Variants in RAP1GAP observed in about 807,000 individuals in gnomAD.
RAP1GAP encodes the protein rap1 GTPase-activating protein 1.
RAP1GAP carries 35 observed loss-of-function variants against 87.2 expected under a neutral mutation model. The ratio of observed to expected loss-of-function variants is 0.40; its 90% confidence interval spans 0.31 to 0.53. The LOEUF is 0.53. Ranked by LOEUF, RAP1GAP falls within the 20% of genes least tolerant of loss-of-function variation. RAP1GAP has a pLI of 0.48. For synonymous variants in RAP1GAP, 375 were observed against 363.9 expected, an observed-to-expected ratio of 1.03 and a Z score of -0.35; for missense variants, 734 against 898.9, an observed-to-expected ratio of 0.82 and a Z score of 2.35.
rs777156040 is a variant in RAP1GAP at position 21,613,108 on chromosome 1, C to T, written c.528+68G>A. 120 of 1,452,968 alleles carry T rather than the reference C, an allele frequency of 8.3e-5. No individual in the cohort carries two copies. In the Admixed American group the frequency reaches 1.1e-3, roughly 13 times the overall value. 90.0% of individuals were successfully genotyped at this position (1,452,968 alleles called of 1,614,324 possible). ...GAAAGTATCTGGCACACAGAAGGTG[C>T]TTAATAAATGCTCAGTCTTCCAGTT... On this transcript the variant is annotated intron_variant, in intron 10 of 24. Transcript: ENST00000374765. The surrounding 1 kb of genome is among the most constrained non-coding windows in gnomAD (Gnocchi z 4.7).
chr1:21,647,815 C>T (rs2096212510), intron 2 of RAP1GAP, among the ~76,000 whole-genome samples: 1 of 152,122 alleles, frequency 6.6e-6, no homozygotes, highest in African/African-American at 2.4e-5. Flanking sequence ...AAAGAAAACA[C>T]CCAACAAATG....
chr1:21,610,979 A>G (rs1343956408), intron 13 of RAP1GAP, among the ~76,000 whole-genome samples: 1 of 152,212 alleles, frequency 6.6e-6, no homozygotes, highest in African/African-American at 2.4e-5. Flanking sequence ...TTCCTGGCAC[A>G]TGCCTTGCAT....
intron 17 of RAP1GAP, among the ~76,000 whole-genome samples, chr1:21,606,571 G>T (rs2074773448): frequency 6.6e-6 from 1 of 152,158 alleles, no homozygotes; most frequent in African/African-American, 2.4e-5. Flanking sequence ...CTGGGTCATG[G>T]CCAAAAGTGT....
At chr1:21,621,009 G>GATTC (rs2086912965) in intron 3 of RAP1GAP, among the ~76,000 whole-genome samples, 3 of 152,316 alleles carry the variant, frequency 2.0e-5, no homozygotes, top group Admixed American at 6.5e-5. Flanking sequence ...TGTGCACAGT[G>GATTC]ATTCTTAGAG....
At chr1:21,663,840 C>A (rs902469249) in intron 1 of RAP1GAP, among the ~76,000 whole-genome samples, 1 of 152,184 alleles carries the variant, frequency 6.6e-6, no homozygotes, top group African/African-American at 2.4e-5. Flanking sequence ...TCACCCACTG[C>A]CCCCAAACCC....
intron 20 of RAP1GAP, 141 bp from the exon 21 acceptor site, chr1:21,599,758 G>A: frequency 8.5e-7 from 1 of 1,179,972 alleles, no homozygotes; most frequent in Non-Finnish European, 1.2e-6. Flanking sequence ...AGATCCTTGG[G>A]CCTCTGAGCC....
intron 20 of RAP1GAP, among the ~76,000 whole-genome samples, chr1:21,601,321 G>A (rs1480956024): frequency 6.6e-6 from 1 of 151,162 alleles, no homozygotes; most frequent in Admixed American, 6.6e-5. Flanking sequence ...GTGTCTCCCC[G>A]AGGACCCATC....
intron 1 of RAP1GAP, among the ~76,000 whole-genome samples, chr1:21,666,992 T>C (rs1422400568): frequency 1.3e-5 from 2 of 151,880 alleles, no homozygotes; most frequent in Non-Finnish European, 2.9e-5. Context: ...GGGGCAGGGG[T>C]CTTGGCCTGG....
chr1:21,629,371 A>G (rs912470388), intron 2 of RAP1GAP, among the ~76,000 whole-genome samples: 2 of 151,992 alleles, frequency 1.3e-5, no homozygotes, highest in African/African-American at 4.8e-5. Flanking sequence ...CCCTTCCAGA[A>G]CCCTCTCTGC....
chr1:21,654,813 CAG>C (rs2096792640), intron 1 of RAP1GAP, among the ~76,000 whole-genome samples: 1 of 148,976 alleles, frequency 6.7e-6, no homozygotes. Context: ...GCCTGGGTGA[CAG>C]AGCAAGACCC....
At chr1:21,608,481 G>T in intron 16 of RAP1GAP, 131 bp from the exon 17 acceptor site, 1 of 1,245,528 alleles carries the variant, frequency 8.0e-7, no homozygotes. Flanking sequence ...AGGGCGGAGG[G>T]CTCCTGCACC....
chr1:21,607,763 A>C (rs965511764), intron 17 of RAP1GAP, among the ~76,000 whole-genome samples: 4 of 151,664 alleles, frequency 2.6e-5, no homozygotes, highest in African/African-American at 9.7e-5. Context: ...TTCAAACTCT[A>C]CCCAAGGCAG....
chr1:21,630,660 C>T (rs2093551593), intron 2 of RAP1GAP, among the ~76,000 whole-genome samples: 1 of 152,110 alleles, frequency 6.6e-6, no homozygotes, highest in African/African-American at 2.4e-5. Flanking sequence ...TCAAGTGATC[C>T]TTCCCCCTCG....
rs945798730 is a variant in RAP1GAP at position 21,618,920 on chromosome 1, C to A, written c.66+105G>T. 1.2e-5 allele frequency: 16 copies of A among 1,322,024 alleles called. No individual in the cohort carries two copies. In the African/African-American group the frequency reaches 2.2e-4, roughly 18 times the overall value. The allele number at this position is 1,322,024 out of a possible 1,614,324, so 81.9% of individuals were successfully genotyped here. On this transcript the variant is annotated intron_variant, in intron 5 of 24. Coordinates refer to ENST00000374765, the MANE Select transcript of RAP1GAP (RefSeq NM_002885.4). ...CCGCACCTGGCACACTGTAAGACTACTTGCTGAAAGGGGATGGATTTCCTG... is the reference window on the plus strand; with the variant it reads ...CCGCACCTGGCACACTGTAAGACTAATTGCTGAAAGGGGATGGATTTCCTG...
intron 1 of RAP1GAP, chr1:21,667,465 G>T (rs1029186224): frequency 2.0e-5 from 3 of 152,348 alleles, no homozygotes; most frequent in African/African-American, 7.2e-5. Flanking sequence ...AGCTGGGAAG[G>T]TCCCAGGGTG....
At chr1:21,602,762 T>G (rs771351871) in intron 19 of RAP1GAP, 42 bp downstream of exon 19, 2 of 1,528,522 alleles carry the variant, frequency 1.3e-6, no homozygotes, top group African/African-American at 2.7e-5. Flanking sequence ...GGCTCAGGGA[T>G]GGGGATGCAG....
At chr1:21,635,188 C>T (rs1055832659) in intron 2 of RAP1GAP, among the ~76,000 whole-genome samples, 6 of 152,170 alleles carry the variant, frequency 3.9e-5, no homozygotes, top group Non-Finnish European at 8.8e-5. Context: ...AAGTCTGGGC[C>T]AGGGTGACCT....
Position 21,603,981 on chromosome 1 carries a change from G to A in RAP1GAP, c.1429-1068C>T, listed in dbSNP as rs901253697. ...AGAGAGTCAGAGAGCAAGAGAGATGGTGGGAGGGAGACACAGAGAGGAGGA... is the reference window on the plus strand; with the variant it reads ...AGAGAGTCAGAGAGCAAGAGAGATGATGGGAGGGAGACACAGAGAGGAGGA... On this transcript the variant is annotated intron_variant, in intron 18 of 24. Coordinates refer to ENST00000374765, the MANE Select transcript of RAP1GAP (RefSeq NM_002885.4). The surrounding 1 kb of genome is among the most constrained non-coding windows in gnomAD (Gnocchi z 6.0). 3 of 1,216,948 alleles carry A rather than the reference G, an allele frequency of 2.5e-6. No homozygotes were observed. The allele number at this position is 1,216,948 out of a possible 1,614,324, so 75.4% of individuals were successfully genotyped here.
At position 21,603,157 on chromosome 1, in the gene RAP1GAP, T is replaced by C. The variant is rs554623257; in HGVS notation, c.1429-244A>G. On this transcript the variant is annotated intron_variant, in intron 18 of 24. Transcript: ENST00000374765. The surrounding 1 kb of genome is among the most constrained non-coding windows in gnomAD (Gnocchi z 6.0). ...CTGCACGTCAATACTGGCCCAGGAT[T>C]AGGACAGCATCCTGAGGGGGCTAGG... 9.1e-5 allele frequency: 46 copies of C among 508,072 alleles called. No individual in the cohort carries two copies. The highest frequency in any genetic ancestry group is 5.9e-4 in the South Asian group (20 of 34,156). 31.5% of individuals were successfully genotyped at this position (508,072 alleles called of 1,614,324 possible). A position where few individuals can be genotyped will look rare whatever the true frequency, so the allele number is the denominator to read the frequency against.
Sources: allele counts gnomAD v4.1 joint callset (sites outside exome capture counted in the v4.1 genomes callset), GRCh38; gene constraint gnomAD v4.1.1; non-coding constraint Gnocchi (gnomAD v3.1); transcripts MANE v1.5; gene names NCBI Gene and HGNC (gene_info 2026-07-23, HGNC 2026-07-21).